Variants in YWHAB observed in about 807,000 individuals in gnomAD.
YWHAB encodes the protein tyrosine 3-monooxygenase/tryptophan 5-monooxygenase activation protein beta.
A neutral mutation model predicts 28.5 loss-of-function variants in YWHAB; 2 were observed. That is an observed-to-expected ratio of 0.07 (90% CI 0.03 to 0.22). The LOEUF (loss-of-function observed/expected upper bound fraction) is 0.22, where lower values mean the gene tolerates loss of function less well. Among genes scored for constraint, YWHAB ranks in the 10% least tolerant of loss-of-function variants. The pLI is 1.00. For missense variants in YWHAB, 148 were observed against 297.1 expected (o/e 0.50, Z 3.69); for synonymous variants, 103 against 104.7 (o/e 0.98, Z 0.10).
Position 44,903,782 on chromosome 20 carries a change from T to C in YWHAB, c.301-211T>C. The C allele has an allele frequency of 6.1e-6, 3 of 492,894 alleles. No homozygotes were observed. In the South Asian group the frequency reaches 7.3e-5, roughly 12 times the overall value. The allele number at this position is 492,894 out of a possible 1,614,324, so 30.5% of individuals were successfully genotyped here. ...ATATGGCTATACTTTAATTATCCCC[T>C]ATGGATGGTCAAAGTGATTTTTAAC... On this transcript the variant is annotated intron_variant, in intron 2 of 5. Transcript: ENST00000353703.
In YWHAB at chr20:44,907,120, A is replaced by G. The variant is rs2066662478; in HGVS notation, c.*682A>G. The G allele has an allele frequency of 6.6e-6, 1 of 152,214 alleles. No homozygotes were observed. Among genetic ancestry groups the G allele is most frequent in the East Asian group, 1.9e-4 (1 of 5,198 alleles). The allele number at this position is 152,214 out of a possible 1,614,324, so 9.4% of individuals were successfully genotyped here. ...AAAAGTTCAAGTGCTCATATAACAC[A>G]CCACACTGAACCCCCTTTCCTACAG... On this transcript the variant is annotated 3_prime_UTR_variant, in exon 6 of 6. Coordinates refer to ENST00000353703, the MANE Select transcript of YWHAB (RefSeq NM_139323.4).
chr20:44,896,735 T>A (rs146414080), intron 1 of YWHAB, among the ~76,000 whole-genome samples: 1 of 152,386 alleles, frequency 6.6e-6, no homozygotes, highest in African/African-American at 2.4e-5. Context: ...ATTGTAGATG[T>A]AGAAATAGGA....
chr20:44,906,230 CT>C lies in YWHAB; in HGVS notation c.684+135del, dbSNP rs1035263516. The stretch of plus-strand genomic sequence containing the variant: ...AAGTTGTTAAATTTGTTATAAATGA[CT>C]GCTGAAGTTTTGACCTTTGCAATCA... On this transcript the variant is annotated intron_variant, in intron 5 of 5. Coordinates refer to ENST00000353703, the MANE Select transcript of YWHAB (RefSeq NM_139323.4). The C allele has an allele frequency of 1.6e-5, 18 of 1,121,790 alleles. No individual in the cohort carries two copies. The African/African-American group carries it at 2.0e-4, about 13-fold the overall frequency. 69.5% of individuals were successfully genotyped at this position (1,121,790 alleles called of 1,614,324 possible). A position where few individuals can be genotyped will look rare whatever the true frequency, so the allele number is the denominator to read the frequency against.
chr20:44,888,711 A>G (rs1601086038), intron 1 of YWHAB, among the ~76,000 whole-genome samples: 1 of 152,244 alleles, frequency 6.6e-6, no homozygotes, highest in Non-Finnish European at 1.5e-5. Context: ...TGTAGGGATG[A>G]TAATTGCTAG....
rs1268008847 is a variant in YWHAB at position 44,904,079 on chromosome 20, G to A, written c.387G>A (p.Arg129=). The change falls in exon 3 of 6, where the codon AGG becomes AGA. Residue 129 remains arginine, a synonymous_variant. Transcript: ENST00000353703. ...TGAAAATGAAAGGAGATTATTTTAG[G>A]TATCTTTCTGAAGTGGCATCTGGAG... is the stretch of plus-strand genomic sequence containing the variant. ...FYLKMKGDYF[R]YLSEVASGDN... is the part of the protein sequence containing the mutation. The A allele has an allele frequency of 1.2e-6, 2 of 1,609,496 alleles. No individual in the cohort carries two copies. Among genetic ancestry groups the A allele is most frequent in the Non-Finnish European group, 1.7e-6 (2 of 1,178,832 alleles).
chr20:44,903,150 T>C, intron 2 of YWHAB: 7 of 941,574 alleles, frequency 7.4e-6, no homozygotes, highest in Non-Finnish European at 8.9e-6. Context: ...AGGAATTTAT[T>C]ATTAATAGTA....
intron 1 of YWHAB, among the ~76,000 whole-genome samples, chr20:44,889,684 C>T (rs2066549333): frequency 6.6e-6 from 1 of 152,076 alleles, no homozygotes; most frequent in South Asian, 2.1e-4. Context: ...ATTTGTTTGA[C>T]ATTTTGGTAA....
intron 1 of YWHAB, among the ~76,000 whole-genome samples, chr20:44,899,327 A>G (rs1017867822): frequency 6.6e-5 from 10 of 152,190 alleles, no homozygotes; most frequent in African/African-American, 2.4e-4. Flanking sequence ...TAAAAATACA[A>G]AAGTTAGCTG....
At position 44,904,957 on chromosome 20, in the gene YWHAB, TTA is replaced by T; in HGVS notation, c.425-9_425-8del. On this transcript the variant is annotated splice_polypyrimidine_tract_variant and intron_variant, in intron 3 of 5. Transcript: ENST00000353703. ...AACCGAGCCTTTAATATTTTCATCT[TTA>T]TGTTACAGCCACTGTGTCGAACTCC... The T allele has an allele frequency of 3.2e-6, 5 of 1,574,480 alleles. No individual in the cohort carries two copies. The South Asian group carries it at 4.6e-5, about 15-fold the overall frequency.
At chr20:44,899,698 C>T (rs1487906290) in intron 1 of YWHAB, among the ~76,000 whole-genome samples, 2 of 152,204 alleles carry the variant, frequency 1.3e-5, no homozygotes, top group Non-Finnish European at 2.9e-5. Context: ...AAAATTACCG[C>T]ACTCTGTAAA....
intron 1 of YWHAB, among the ~76,000 whole-genome samples, chr20:44,890,665 T>TGC (rs2066555865): frequency 6.6e-6 from 1 of 151,918 alleles, no homozygotes; most frequent in South Asian, 2.1e-4. Context: ...CGCCTGCCAC[T>TGC]GCGCCCAGCT....
chr20:44,900,070 CAG>C (rs1193514128), intron 1 of YWHAB, among the ~76,000 whole-genome samples: 1 of 150,892 alleles, frequency 6.6e-6, no homozygotes, highest in Non-Finnish European at 1.5e-5. Context: ...TTTTTAGAGA[CAG>C]GGGTCTCAGT....
intron 2 of YWHAB, chr20:44,902,670 CT>C (rs890592380): frequency 2.0e-5 from 3 of 152,060 alleles, no homozygotes; most frequent in Non-Finnish European, 2.9e-5. Context: ...GGCAGCACCC[CT>C]TATCCCTAAC....
rs1955300554 is a variant in YWHAB at position 44,907,282 on chromosome 20, A to G, written c.*844A>G. On this transcript the variant is annotated 3_prime_UTR_variant, in exon 6 of 6. Transcript: ENST00000353703. ...ATCTGTTTCCTGGATAATACCTTTA[A>G]GAATAATGTCCTGAGTCAGGCGTGG... 6.6e-6 allele frequency: 1 copy of G among 152,474 alleles called. No individual in the cohort carries two copies. Among genetic ancestry groups the G allele is most frequent in the South Asian group, 2.1e-4 (1 of 4,834 alleles). 9.4% of individuals were successfully genotyped at this position (152,474 alleles called of 1,614,324 possible).
At position 44,885,750 on chromosome 20, in the gene YWHAB, G is replaced by C. The variant is rs1178903845; in HGVS notation, c.-140G>C. ...CGCCGCCGCCGATTCCGGAGCCGGG[G>C]TAGTCGCCGCCGCCGCCGCCGCTGC... On this transcript the variant is annotated 5_prime_UTR_variant, in exon 1 of 6. Coordinates refer to ENST00000353703, the MANE Select transcript of YWHAB (RefSeq NM_139323.4). The C allele has an allele frequency of 6.0e-6, 1 of 167,226 alleles. No homozygotes were observed. The highest frequency in any genetic ancestry group is 1.2e-5 in the Non-Finnish European group (1 of 84,490). The allele number at this position is 167,226 out of a possible 1,614,324, so 10.4% of individuals were successfully genotyped here.
intron 1 of YWHAB, among the ~76,000 whole-genome samples, chr20:44,895,968 A>G (rs1363899471): frequency 7.9e-5 from 12 of 152,192 alleles, no homozygotes; most frequent in Admixed American, 5.2e-4. Context: ...GTTCCTACCA[A>G]TTATGTACAG....
In YWHAB at chr20:44,906,610, C is replaced by G. The variant is rs753672849; in HGVS notation, c.*172C>G. ...TGGGATAAACAGCTGGTATTTGTAT[C>G]TAAAACTCAGATTGGTCACATAAAT... On this transcript the variant is annotated 3_prime_UTR_variant, in exon 6 of 6. Transcript: ENST00000353703. 225 of 475,896 alleles carry G rather than the reference C, an allele frequency of 4.7e-4. 1 individual carries two copies. Among genetic ancestry groups the G allele is most frequent in the Admixed American group, 3.2e-4 (9 of 27,924 alleles). 29.5% of individuals were successfully genotyped at this position (475,896 alleles called of 1,614,324 possible). A position where few individuals can be genotyped will look rare whatever the true frequency, so the allele number is the denominator to read the frequency against.
intron 1 of YWHAB, among the ~76,000 whole-genome samples, chr20:44,894,562 T>C (rs889114695): frequency 6.6e-6 from 1 of 152,256 alleles, no homozygotes; most frequent in African/African-American, 2.4e-5. Context: ...TCTAGACTTT[T>C]GCTTTTCCTT....
intron 1 of YWHAB, among the ~76,000 whole-genome samples, chr20:44,891,683 C>T (rs1416679219): frequency 2.0e-5 from 3 of 152,190 alleles, no homozygotes; most frequent in African/African-American, 7.2e-5. Context: ...TTAACACCCT[C>T]AGTAAGTTTA....
Sources: gnomAD v4.1 joint callset for allele counts (sites outside exome capture counted in the v4.1 genomes callset) on GRCh38, gnomAD v4.1.1 for gene constraint, MANE v1.5 for transcripts, NCBI Gene and HGNC (gene_info 2026-07-23, HGNC 2026-07-21) for gene names.